The following AP1B1 variants were observed in gnomAD, a reference collection of about 807,000 sequenced individuals.
The protein encoded by AP1B1 is adaptor related protein complex 1 subunit beta 1.
Under a neutral mutation model 104.3 loss-of-function variants are expected in AP1B1, and 36 were observed. The ratio of observed to expected loss-of-function variants is 0.35; its 90% CI spans 0.26 to 0.46. AP1B1 has a LOEUF of 0.46. Among genes scored for constraint, AP1B1 ranks in the 20% least tolerant of loss-of-function variants. The probability of loss-of-function intolerance (pLI) is 1.00; values close to 1 mark genes in which losing one functional copy is unlikely to be tolerated. For missense variants in AP1B1, 901 were observed against 1,247.9 expected, an observed-to-expected ratio of 0.72 and a Z score of 4.19; for synonymous variants, 504 against 517.5, an observed-to-expected ratio of 0.97 and a Z score of 0.35.
chr22:29,331,967 C>T lies in AP1B1; in HGVS notation c.2310-51G>A, dbSNP rs370773025. 7.7e-4 allele frequency: 1,196 copies of T among 1,560,404 alleles called. 3 individuals are homozygous for T. Among genetic ancestry groups the T allele is most frequent in the Non-Finnish European group, 9.3e-4 (1,077 of 1,156,204 alleles). On this transcript the variant is annotated intron_variant, in intron 17 of 22. Transcript: ENST00000357586. ...ATGGCAGGGGGAGTAGGTGCTGATG[C>T]GGGACAGGTGAGCTCCTCCGACTCG...
At chr22:29,364,270 G>A (rs553573363) in intron 2 of AP1B1, among the ~76,000 whole-genome samples, 1 of 152,326 alleles carries the variant, frequency 6.6e-6, no homozygotes, top group African/African-American at 2.4e-5. Context: ...CTCCATGAGA[G>A]CTCAAGCATG....
chr22:29,351,152 C>G lies in AP1B1; in HGVS notation c.1155+19G>C. The G allele has an allele frequency of 1.3e-6, 2 of 1,598,756 alleles. No homozygotes were observed. Among genetic ancestry groups the G allele is most frequent in the Non-Finnish European group, 1.7e-6 (2 of 1,168,512 alleles). On this transcript the variant is annotated intron_variant, in intron 9 of 22. Coordinates refer to ENST00000357586, the MANE Select transcript of AP1B1 (RefSeq NM_001127.4). ...CCCCTTTTCCTTCTCCAGCCAAGGA[C>G]AGAGTCCCAGAGCCTCACCTCCACC...
At chr22:29,342,055 CTCT>C (rs1351965542) in intron 12 of AP1B1, among the ~76,000 whole-genome samples, 3 of 152,394 alleles carry the variant, frequency 2.0e-5, no homozygotes, top group Non-Finnish European at 4.4e-5. Flanking sequence ...GGCCCTCCTC[CTCT>C]GTCTAGTTTG....
intron 16 of AP1B1, among the ~76,000 whole-genome samples, chr22:29,335,487 G>A (rs2061625422): frequency 1.3e-5 from 2 of 151,932 alleles, no homozygotes; most frequent in Non-Finnish European, 2.9e-5. Flanking sequence ...CTGCCTCCAG[G>A]GCCTCCATTT....
intron 6 of AP1B1, 129 bp from the exon 7 acceptor site, chr22:29,355,000 C>T: frequency 1.3e-6 from 1 of 770,862 alleles, no homozygotes; most frequent in African/African-American, 1.7e-5. Flanking sequence ...CTTTGGGAGG[C>T]CGAGGTGGGT....
Position 29,328,435 on chromosome 22 carries a change from A to AGG in AP1B1, c.*384_*385dup, listed in dbSNP as rs2061508840. On this transcript the variant is annotated 3_prime_UTR_variant, in exon 23 of 23. Transcript: ENST00000357586. This position sits in a 1 kb window ranked among gnomAD's most constrained non-coding sequence, Gnocchi z 4.1. ...TCCATCCCATGAGAGGTGGCAGTGG[A>AGG]GGGCCCTTTAACACCAACCGGAGAG... The AGG allele has an allele frequency of 5.4e-6, 1 of 186,634 alleles. No homozygotes were observed. Among genetic ancestry groups the AGG allele is most frequent in the Admixed American group, 5.6e-5 (1 of 17,810 alleles). The allele number at this position is 186,634 out of a possible 1,614,324, so 11.6% of individuals were successfully genotyped here.
intron 11 of AP1B1, among the ~76,000 whole-genome samples, chr22:29,342,676 G>C (rs1266500824): frequency 6.6e-6 from 1 of 152,204 alleles, no homozygotes; most frequent in Non-Finnish European, 1.5e-5. Context: ...AAACCTGTTG[G>C]AGCTCTAGAA....
intron 1 of AP1B1, among the ~76,000 whole-genome samples, chr22:29,381,026 G>A (rs779212526): frequency 3.3e-5 from 5 of 152,072 alleles, no homozygotes; most frequent in African/African-American, 4.8e-5. Flanking sequence ...AGCTCCAGCC[G>A]CACAGGCCTC....
Position 29,349,260 on chromosome 22 carries a change from C to T in AP1B1, c.1395G>A (p.Leu465=), listed in dbSNP as rs374541648. Residue 465 remains leucine, a synonymous_variant, in exon 11 of 23, where the codon CTG becomes CTA. Transcript: ENST00000357586. ...YAERIDNADE[L]LESFLEGFHD... Reference sequence around the variant, plus strand: ...GGAAGCCCTCGAGGAAGCTCTCCAGCAGCTCATCTGCGTTGTCGATCCGTT... The same window carrying T: ...GGAAGCCCTCGAGGAAGCTCTCCAGTAGCTCATCTGCGTTGTCGATCCGTT... 2 of 1,613,784 alleles carry T rather than the reference C, an allele frequency of 1.2e-6. No homozygotes were observed. Among genetic ancestry groups the T allele is most frequent in the Non-Finnish European group, 1.7e-6 (2 of 1,180,050 alleles).
At chr22:29,334,454 C>A in intron 16 of AP1B1, 44 bp from the exon 17 acceptor site, 2 of 1,557,308 alleles carry the variant, frequency 1.3e-6, no homozygotes, top group East Asian at 2.3e-5. Context: ...GTGCCTCTTC[C>A]TGCAGCCCAA....
At chr22:29,352,699 CAGG>C (rs2061895429) in intron 7 of AP1B1, among the ~76,000 whole-genome samples, 3 of 152,142 alleles carry the variant, frequency 2.0e-5, no homozygotes, top group Non-Finnish European at 2.9e-5. Flanking sequence ...GAGGCTGGGG[CAGG>C]AGGATTGCTT....
rs771030641 is a variant in AP1B1 at position 29,341,637 on chromosome 22, G to C, written c.1660C>G (p.Leu554Val). 1.8e-5 allele frequency: 29 copies of C among 1,614,116 alleles called. No homozygotes were observed. Among genetic ancestry groups the C allele is most frequent in the Non-Finnish European group, 2.5e-5 (29 of 1,180,038 alleles). Reference sequence around the variant, plus strand: ...TCGTCTAACAGTGTGGGCTCGATGAGGTCCGTCTCTTCAGAGATGAGTGGC... The same window carrying C: ...TCGTCTAACAGTGTGGGCTCGATGACGTCCGTCTCTTCAGAGATGAGTGGC... ...EKPLISEETD[L>V]IEPTLLDELI... The change falls in exon 13 of 23, where the codon CTC (leucine) becomes GTC (valine). Residue 554 changes from leucine (L) to valine (V), a missense_variant. Leu to Val is a conservative substitution (Grantham distance 32, BLOSUM62 1). Coordinates refer to ENST00000357586, the MANE Select transcript of AP1B1 (RefSeq NM_001127.4).
chr22:29,371,504 G>A (rs1008866463), intron 1 of AP1B1, among the ~76,000 whole-genome samples: 5 of 152,124 alleles, frequency 3.3e-5, no homozygotes, highest in Non-Finnish European at 4.4e-5. Context: ...GGCTGAGGTG[G>A]GCAGATCACG....
At chr22:29,339,196 A>G in intron 15 of AP1B1, 63 bp from the exon 16 acceptor site, 1 of 1,597,040 alleles carries the variant, frequency 6.3e-7, no homozygotes, top group Non-Finnish European at 8.6e-7. Flanking sequence ...GGGTCTGGGA[A>G]TGAGTAGAGC....
intron 1 of AP1B1, among the ~76,000 whole-genome samples, chr22:29,385,064 G>C (rs960398637): frequency 6.6e-6 from 1 of 151,812 alleles, no homozygotes; most frequent in Non-Finnish European, 1.5e-5. Flanking sequence ...GCAGAGGGAA[G>C]AGTGCAAAGC....
rs530211985 is a variant in AP1B1, at chr22:29,351,562, G to A, written c.1059+143C>T. 57 of 1,136,710 alleles carry A rather than the reference G, an allele frequency of 5.0e-5. No homozygotes were observed. In the African/African-American group the frequency reaches 6.6e-4, roughly 13 times the overall value. The allele number at this position is 1,136,710 out of a possible 1,614,324, so 70.4% of individuals were successfully genotyped here. ...AACATCAGTTCTTTTACTTGCTTAC[G>A]AAGCCCCATGTCCCATGCTAAACAC... On this transcript the variant is annotated intron_variant, in intron 8 of 22. Coordinates refer to ENST00000357586, the MANE Select transcript of AP1B1 (RefSeq NM_001127.4).
At chr22:29,359,470 C>T (rs1197724030) in intron 4 of AP1B1, among the ~76,000 whole-genome samples, 1 of 151,508 alleles carries the variant, frequency 6.6e-6, no homozygotes, top group Non-Finnish European at 1.5e-5. Flanking sequence ...ACAATTTAAT[C>T]TGAAGGACAG....
intron 1 of AP1B1, among the ~76,000 whole-genome samples, chr22:29,384,083 C>G (rs974830157): frequency 6.6e-6 from 1 of 152,198 alleles, no homozygotes; most frequent in African/African-American, 2.4e-5. Flanking sequence ...TTCTACAAAG[C>G]AAACAGGCAC....
At chr22:29,348,174 C>A (rs538616443) in intron 11 of AP1B1, among the ~76,000 whole-genome samples, 1 of 152,320 alleles carries the variant, frequency 6.6e-6, no homozygotes, top group South Asian at 2.1e-4. Context: ...TTACTTGTAG[C>A]CCCCAAATCA....
Sources: allele counts gnomAD v4.1 joint callset (sites outside exome capture counted in the v4.1 genomes callset), GRCh38; gene constraint gnomAD v4.1.1; non-coding constraint Gnocchi (gnomAD v3.1); transcripts MANE v1.5; gene names NCBI Gene and HGNC (gene_info 2026-07-23, HGNC 2026-07-21).